The following KYAT1 variants were observed in gnomAD, a reference collection of about 807,000 sequenced individuals.
The protein encoded by KYAT1 is kynurenine aminotransferase 1.
A neutral mutation model predicts 52.4 loss-of-function variants in KYAT1; 47 were observed. The ratio of observed to expected loss-of-function variants is 0.90; its 90% CI spans 0.71 to 1.14. The LOEUF (loss-of-function observed/expected upper bound fraction) is 1.14, where lower values mean the gene tolerates loss of function less well. Among genes scored for constraint, KYAT1 ranks in the 50% most tolerant of loss-of-function variants. The pLI, the probability that KYAT1 is intolerant of heterozygous loss-of-function variation, is 0.00. For missense variants in KYAT1, 480 were observed against 557.9 expected (o/e 0.86, Z 1.41); for synonymous variants, 212 against 209.6 (o/e 1.01, Z -0.10).
chr9:128,838,382 G>A lies in KYAT1; in HGVS notation c.202-15C>T, dbSNP rs759656086. The A allele has an allele frequency of 3.1e-6, 5 of 1,613,844 alleles. No individual in the cohort carries two copies. Among genetic ancestry groups the A allele is most frequent in the Non-Finnish European group, 4.2e-6 (5 of 1,180,000 alleles). On this transcript the variant is annotated splice_polypyrimidine_tract_variant and intron_variant, in intron 3 of 12. Transcript: ENST00000302586. ...GGTGGGTAACCCTGCCAGGACAGCA[G>A]GGGTTAACTGTCCAGCTCAGCCTGG...
intron 11 of KYAT1, 116 bp downstream of exon 11, chr9:128,835,207 A>G (rs1830822411): frequency 1.1e-5 from 9 of 833,694 alleles, no homozygotes; most frequent in Non-Finnish European, 1.7e-5. Flanking sequence ...CCCTGCCCCA[A>G]GGTTGACGGC....
chr9:128,845,927 C>G (rs1833020615), intron 1 of KYAT1, among the ~76,000 whole-genome samples: 1 of 152,144 alleles, frequency 6.6e-6, no homozygotes, highest in Non-Finnish European at 1.5e-5. Context: ...AAAACAGAGG[C>G]TGGAGGGTGC....
chr9:128,840,702 T>G (rs997073613), intron 3 of KYAT1: 19 of 427,238 alleles, frequency 4.4e-5, no homozygotes, highest in Non-Finnish European at 7.9e-5. Flanking sequence ...TGAGTAAACC[T>G]TACTGGAGGG....
At chr9:128,875,681 G>A (rs113010295) in intron 1 of KYAT1, among the ~76,000 whole-genome samples, 2 of 152,000 alleles carry the variant, frequency 1.3e-5, no homozygotes, top group African/African-American at 4.8e-5. Context: ...CAGGTGATCT[G>A]GCAGCACCGA....
Position 128,835,797 on chromosome 9 carries a change from G to A in KYAT1, c.837C>T (p.His279=), listed in dbSNP as rs1433293536. 3 of 1,613,334 alleles carry A rather than the reference G, an allele frequency of 1.9e-6. No individual in the cohort carries two copies. The highest frequency in any genetic ancestry group is 2.2e-5 in the East Asian group (1 of 44,848). Residue 279 remains histidine, a synonymous_variant, in exon 9 of 13, where the codon CAC becomes CAT. Transcript: ENST00000302586. ...TCTTCACCTGGCTCTGCGTGGGGCA[G>A]TGGAAGACGGAGTTCTGGTGCACGG... ...LRTVHQNSVF[H]CPTQSQAAVA... is the part of the protein sequence containing the mutation.
intron 1 of KYAT1, among the ~76,000 whole-genome samples, chr9:128,874,214 C>A (rs1185006413): frequency 2.0e-5 from 3 of 151,382 alleles, no homozygotes; most frequent in Non-Finnish European, 4.4e-5. Context: ...CGAGATCACG[C>A]CACTGCGCTC....
At chr9:128,850,196 G>C (rs1201932705) in intron 1 of KYAT1, among the ~76,000 whole-genome samples, 1 of 152,058 alleles carries the variant, frequency 6.6e-6, no homozygotes, top group Non-Finnish European at 1.5e-5. Flanking sequence ...AGCCCAGGCT[G>C]TTCTTGAACC....
chr9:128,881,298 GTCTCGA>G (rs1222941067), intron 1 of KYAT1, among the ~76,000 whole-genome samples: 1 of 152,022 alleles, frequency 6.6e-6, no homozygotes, highest in South Asian at 2.1e-4. Context: ...AGCCAGGATG[GTCTCGA>G]TCTCCTGACC....
At chr9:128,869,625 G>A (rs977627957) in intron 1 of KYAT1, among the ~76,000 whole-genome samples, 1 of 152,082 alleles carries the variant, frequency 6.6e-6, no homozygotes, top group African/African-American at 2.4e-5. Context: ...GCAGAGATGG[G>A]GTCTCACCAC....
intron 1 of KYAT1, among the ~76,000 whole-genome samples, chr9:128,867,700 T>C (rs1836601593): frequency 6.6e-6 from 1 of 152,234 alleles, no homozygotes; most frequent in African/African-American, 2.4e-5. Context: ...AGATTGCTTT[T>C]AGCAGTCTGA....
chr9:128,833,834 G>A lies in KYAT1; in HGVS notation c.1123-8C>T, dbSNP rs770760801. 6.2e-7 allele frequency: 1 copy of A among 1,613,018 alleles called. No homozygotes were observed. Among genetic ancestry groups the A allele is most frequent in the Admixed American group, 1.7e-5 (1 of 60,006 alleles). ...AGGGATGGCCACCAAGCCCTGGGGA[G>A]GAGGAAGGACATGTCTCAACACGGC... On this transcript the variant is annotated splice_region_variant and splice_polypyrimidine_tract_variant and intron_variant, in intron 11 of 12. Coordinates refer to ENST00000302586, the MANE Select transcript of KYAT1 (RefSeq NM_004059.5).
chr9:128,874,342 ATGTT>A (rs1837655970), intron 1 of KYAT1, among the ~76,000 whole-genome samples: 1 of 145,960 alleles, frequency 6.9e-6, no homozygotes, highest in South Asian at 2.4e-4. Flanking sequence ...CATTTCTTCT[ATGTT>A]TGTTGCCAAG....
intron 3 of KYAT1, among the ~76,000 whole-genome samples, chr9:128,841,083 C>T (rs988088120): frequency 2.6e-5 from 4 of 152,162 alleles, no homozygotes; most frequent in Admixed American, 6.6e-5. Context: ...TTAAAAAGAA[C>T]GAGTGCGGTC....
intron 1 of KYAT1, among the ~76,000 whole-genome samples, chr9:128,856,058 G>A (rs1243445510): frequency 1.3e-5 from 2 of 152,178 alleles, no homozygotes. Flanking sequence ...AGTGTGACTG[G>A]AATATGTCAG....
In KYAT1 at chr9:128,842,640, A is replaced by G. The variant is rs1832394614; in HGVS notation, c.201+14T>C. On this transcript the variant is annotated intron_variant, in intron 3 of 12. Transcript: ENST00000302586. The stretch of plus-strand genomic sequence containing the variant: ...TCCTCCCCCAGTGCCTCCACGAGAG[A>G]TGGGGAGACTCACAAATGTCTTGGT... 3 of 1,611,520 alleles carry G rather than the reference A, an allele frequency of 1.9e-6. No homozygotes were observed. Among genetic ancestry groups the G allele is most frequent in the Non-Finnish European group, 2.5e-6 (3 of 1,178,108 alleles).
chr9:128,839,699 C>T (rs1242119354), intron 3 of KYAT1, among the ~76,000 whole-genome samples: 1 of 152,202 alleles, frequency 6.6e-6, no homozygotes, highest in Admixed American at 6.5e-5. Flanking sequence ...TTATCTAGAA[C>T]TCAACTCAGT....
At chr9:128,862,066 C>T (rs1335719128) in intron 1 of KYAT1, among the ~76,000 whole-genome samples, 4 of 152,236 alleles carry the variant, frequency 2.6e-5, no homozygotes, top group Non-Finnish European at 5.9e-5. Context: ...CTCTCTCTGA[C>T]ACTCTCCCCC....
intron 1 of KYAT1, among the ~76,000 whole-genome samples, chr9:128,850,579 T>C (rs1564472450): frequency 6.6e-6 from 1 of 152,206 alleles, no homozygotes; most frequent in African/African-American, 2.4e-5. Context: ...AAGCCGCGTA[T>C]TGTCCGAGGT....
intron 2 of KYAT1, among the ~76,000 whole-genome samples, chr9:128,843,384 T>TTC (rs1832547632): frequency 1.4e-5 from 2 of 145,114 alleles, no homozygotes; most frequent in African/African-American, 2.5e-5. Context: ...GAAATCATCT[T>TTC]TTTTTTTTTT....
Sources: allele counts gnomAD v4.1 joint callset (sites outside exome capture counted in the v4.1 genomes callset), GRCh38; gene constraint gnomAD v4.1.1; transcripts MANE v1.5; gene names NCBI Gene and HGNC (gene_info 2026-07-23, HGNC 2026-07-21).